TGDS: variants seen among roughly 807,000 people sequenced by gnomAD.
The protein encoded by TGDS is TDP-glucose 4,6-dehydratase, also known as UDP-D-glucose 4,6-dehydratase.
In TGDS, 47 loss-of-function variants were observed where a neutral mutation model predicts 52.3. That is an observed-to-expected ratio of 0.90 (90% confidence interval 0.71 to 1.15). The LOEUF (loss-of-function observed/expected upper bound fraction) is 1.15, where lower values mean the gene tolerates loss of function less well. TGDS is among the 50% of genes most tolerant of loss of function. TGDS has a pLI of 0.00. For missense variants in TGDS, 375 were observed against 418.4 expected (o/e 0.90, Z 0.90); for synonymous variants, 115 against 136.9 (o/e 0.84, Z 1.12).
At chr13:94,586,253 C>T (rs1334983834) in intron 4 of TGDS, among the ~76,000 whole-genome samples, 1 of 152,118 alleles carries the variant, frequency 6.6e-6, no homozygotes, top group Non-Finnish European at 1.5e-5. Flanking sequence ...AATCCAAATA[C>T]ATGTTGTTTA....
chr13:94,590,743 G>T, intron 4 of TGDS, 110 bp downstream of exon 4: 1 of 798,360 alleles, frequency 1.3e-6, no homozygotes, highest in Non-Finnish European at 1.9e-6. Context: ...GTCACCGTGG[G>T]CTTGTTTTTC....
At chr13:94,581,724 G>C (rs751733937) in intron 5 of TGDS, among the ~76,000 whole-genome samples, 21 of 152,258 alleles carry the variant, frequency 1.4e-4, no homozygotes, top group Non-Finnish European at 2.2e-4. Flanking sequence ...TTTTCTCACT[G>C]TAAGTCTTTT....
chr13:94,595,567 G>A (rs1170324116), intron 1 of TGDS, among the ~76,000 whole-genome samples: 1 of 152,204 alleles, frequency 6.6e-6, no homozygotes, highest in Non-Finnish European at 1.5e-5. Flanking sequence ...TACTTTGGAA[G>A]TAGAGAGGAC....
At chr13:94,582,648 G>C (rs1208830721) in intron 5 of TGDS, among the ~76,000 whole-genome samples, 1 of 152,144 alleles carries the variant, frequency 6.6e-6, no homozygotes, top group Non-Finnish European at 1.5e-5. Flanking sequence ...TGAGTTAGTG[G>C]GCTGGGAAAG....
In TGDS at chr13:94,578,010, G is replaced by C. The variant is rs140589210; in HGVS notation, c.820C>G (p.Gln274Glu). 6.2e-7 allele frequency: 1 copy of C among 1,613,516 alleles called. No homozygotes were observed. Among genetic ancestry groups the C allele is most frequent in the Non-Finnish European group, 8.5e-7 (1 of 1,179,758 alleles). Residue 274 changes from glutamine to glutamate, a missense_variant, in exon 9 of 12, where the codon CAA (glutamine) becomes GAA (glutamate). Physicochemically the swap from Gln to Glu is conservative, Grantham distance 29. Transcript: ENST00000261296. The part of the protein sequence containing the change: ...SVVQLAKELI[Q>E]LIKETNSESE... ...CTTTTAAAACAGATACATACCAGTT[G>C]TATTAGTTCTTTGGCAAGCTGGACA...
chr13:94,583,282 A>C, intron 4 of TGDS, 46 bp from the exon 5 acceptor site: 1 of 1,585,794 alleles, frequency 6.3e-7, no homozygotes, highest in Non-Finnish European at 8.6e-7. Context: ...CCCAACGGAT[A>C]AAACAAATGC....
chr13:94,584,212 C>A (rs1021855075), intron 4 of TGDS, among the ~76,000 whole-genome samples: 3 of 152,160 alleles, frequency 2.0e-5, no homozygotes, highest in Non-Finnish European at 4.4e-5. Context: ...CCCCATAATT[C>A]ATCTTAAGGC....
chr13:94,585,708 G>A (rs1301734321), intron 4 of TGDS, among the ~76,000 whole-genome samples: 3 of 151,106 alleles, frequency 2.0e-5, no homozygotes, highest in South Asian at 2.1e-4. Context: ...GCTGAAGCAC[G>A]AGAACTGCTT....
chr13:94,595,978 G>A (rs534470466), intron 1 of TGDS, 73 bp downstream of exon 1: 3 of 1,581,380 alleles, frequency 1.9e-6, no homozygotes, highest in South Asian at 1.1e-5. Flanking sequence ...AAATTACCTA[G>A]GGCAAGCAGA....
At chr13:94,584,264 G>T (rs1255913683) in intron 4 of TGDS, among the ~76,000 whole-genome samples, 1 of 152,160 alleles carries the variant, frequency 6.6e-6, no homozygotes, top group Non-Finnish European at 1.5e-5. Context: ...ACTATATTTG[G>T]AGATAGGGCT....
rs763236364 is a variant in TGDS, at chr13:94,578,775, TA to T, written c.616-3del. 7 of 1,481,380 alleles carry T rather than the reference TA, an allele frequency of 4.7e-6. No homozygotes were observed. The East Asian group carries it at 1.6e-4, about 34-fold the overall frequency. 91.8% of individuals were successfully genotyped at this position (1,481,380 alleles called of 1,614,324 possible). A position where few individuals can be genotyped will look rare whatever the true frequency, so the allele number is the denominator to read the frequency against. Reference sequence around the variant, plus strand: ...CAAAGATATAAATTTTGGAATAACCTAAAAGAATATTTAAATATCATTTCAG... The same window carrying T: ...CAAAGATATAAATTTTGGAATAACCTAAAGAATATTTAAATATCATTTCAG... On this transcript the variant is annotated splice_polypyrimidine_tract_variant and splice_region_variant and intron_variant, in intron 7 of 11. Coordinates refer to ENST00000261296, the MANE Select transcript of TGDS (RefSeq NM_014305.4).
At chr13:94,586,761 T>A (rs1024959570) in intron 4 of TGDS, among the ~76,000 whole-genome samples, 9 of 147,836 alleles carry the variant, frequency 6.1e-5, no homozygotes, top group Non-Finnish European at 1.2e-4. Flanking sequence ...ATTTTTTTTT[T>A]TTTTTTTTTT....
At chr13:94,592,547 G>C (rs956211179) in intron 2 of TGDS, among the ~76,000 whole-genome samples, 1 of 152,094 alleles carries the variant, frequency 6.6e-6, no homozygotes, top group East Asian at 1.9e-4. Flanking sequence ...CCGCCTCCCA[G>C]GTTCACGCCA....
At chr13:94,586,933 A>G (rs1265740807) in intron 4 of TGDS, among the ~76,000 whole-genome samples, 2 of 151,512 alleles carry the variant, frequency 1.3e-5, no homozygotes, top group East Asian at 1.9e-4. Context: ...TTTATTTTTT[A>G]TTATTATTTT....
At chr13:94,592,553 C>T (rs754232577) in intron 2 of TGDS, among the ~76,000 whole-genome samples, 1 of 152,048 alleles carries the variant, frequency 6.6e-6, no homozygotes, top group Non-Finnish European at 1.5e-5. Flanking sequence ...CCCAGGTTCA[C>T]GCCATTCTCC....
At chr13:94,593,973 C>A in intron 1 of TGDS, 66 bp from the exon 2 acceptor site, 1 of 1,034,036 alleles carries the variant, frequency 9.7e-7, no homozygotes, top group South Asian at 1.6e-5. Flanking sequence ...GAATATTTTC[C>A]TAAGGTGTTG....
intron 4 of TGDS, among the ~76,000 whole-genome samples, chr13:94,588,050 A>C (rs1889061006): frequency 6.6e-6 from 1 of 150,936 alleles, no homozygotes; most frequent in Non-Finnish European, 1.5e-5. Flanking sequence ...CTAAAGAAAA[A>C]GGTAAAGATA....
chr13:94,593,821 C>A lies in TGDS; in HGVS notation c.153+20G>T. ...TGAAATGTAATTTCAGTGCATGATG[C>A]TCATTTTTATAAAACTCACCTTGTC... On this transcript the variant is annotated intron_variant, in intron 2 of 11. Coordinates refer to ENST00000261296, the MANE Select transcript of TGDS (RefSeq NM_014305.4). 2 of 1,459,918 alleles carry A rather than the reference C, an allele frequency of 1.4e-6. No homozygotes were observed. Among genetic ancestry groups the A allele is most frequent in the Non-Finnish European group, 1.9e-6 (2 of 1,056,078 alleles). The allele number at this position is 1,459,918 out of a possible 1,614,324, so 90.4% of individuals were successfully genotyped here.
chr13:94,592,648 G>A (rs1388044264), intron 2 of TGDS, among the ~76,000 whole-genome samples: 1 of 151,984 alleles, frequency 6.6e-6, no homozygotes, highest in Admixed American at 6.6e-5. Context: ...TAGAGGCAGG[G>A]TTTCACCATG....
Sources: allele counts gnomAD v4.1 joint callset (sites outside exome capture counted in the v4.1 genomes callset), GRCh38; gene constraint gnomAD v4.1.1; transcripts MANE v1.5; gene names NCBI Gene and HGNC (gene_info 2026-07-23, HGNC 2026-07-21).